Variants in SFSWAP observed in about 807,000 individuals in gnomAD.
The protein encoded by SFSWAP is splicing factor SWAP.
Under a neutral mutation model 100.7 loss-of-function variants are expected in SFSWAP, and 17 were observed. The observed-to-expected ratio is 0.17, with a 90% CI of 0.12 to 0.25. The LOEUF (loss-of-function observed/expected upper bound fraction) is 0.25. Ranked by LOEUF, SFSWAP falls within the 10% of genes least tolerant of loss-of-function variation. The probability of loss-of-function intolerance (pLI) is 1.00; values close to 1 mark genes in which losing one functional copy is unlikely to be tolerated. For synonymous variants in SFSWAP, 504 were observed against 510.1 expected (o/e 0.99, Z 0.16); for missense variants, 1,005 against 1,262.6 (o/e 0.80, Z 3.09).
intron 13 of SFSWAP, among the ~76,000 whole-genome samples, chr12:131,775,954 T>A (rs78847703): frequency 2.0e-5 from 3 of 149,932 alleles, no homozygotes; most frequent in African/African-American, 4.9e-5. Context: ...AAAAAAAAAT[T>A]AGCTGAGCAT....
intron 7 of SFSWAP, among the ~76,000 whole-genome samples, chr12:131,747,103 CAAA>C (rs398021689): frequency 5.2e-5 from 5 of 96,886 alleles, no homozygotes; most frequent in Admixed American, 1.2e-4. Flanking sequence ...GACTCTGTCT[CAAA>C]AAAAAAAAAA....
chr12:131,799,013 C>G (rs1885875648), intron 16 of SFSWAP, 24 bp from the exon 17 acceptor site: 3 of 1,569,064 alleles, frequency 1.9e-6, no homozygotes, highest in Non-Finnish European at 2.6e-6. Context: ...GTTGTAAGCT[C>G]TGCTCTCTCT....
intron 11 of SFSWAP, among the ~76,000 whole-genome samples, chr12:131,759,776 TG>T (rs1407260209): frequency 1.3e-5 from 2 of 148,864 alleles, no homozygotes; most frequent in East Asian, 3.9e-4. Flanking sequence ...TACTCCAGCC[TG>T]GGTGACAGAG....
In SFSWAP at chr12:131,750,521, C is replaced by T. The variant is rs1881526757; in HGVS notation, c.1082-2602C>T. Among the ~76,000 whole-genome samples, 3 of 152,184 alleles carry T rather than the reference C, an allele frequency of 2.0e-5. No individual in the cohort carries two copies. In the South Asian group the frequency reaches 6.2e-4, roughly 32 times the overall value. ...CGCGTGTCTCGGCTTCACAGCTCTC[C>T]TCTGTGAGAATCTCCTGGGTCTGGG... On this transcript the variant is annotated intron_variant, in intron 7 of 17. Coordinates refer to ENST00000261674, the MANE Select transcript of SFSWAP (RefSeq NM_004592.4).
At chr12:131,716,117 A>G (rs1877887948) in intron 3 of SFSWAP, among the ~76,000 whole-genome samples, 1 of 152,202 alleles carries the variant, frequency 6.6e-6, no homozygotes, top group Non-Finnish European at 1.5e-5. Context: ...GCACTCTCCA[A>G]GGGCTGCGAT....
rs1214449044 is a variant in SFSWAP, at chr12:131,714,809, A to G, written c.389-13A>G. The G allele has an allele frequency of 6.2e-7, 1 of 1,608,128 alleles. No individual in the cohort carries two copies. Reference sequence around the variant, plus strand: ...TTCTATTTTTGTTGATAAAATTCTCATTTTTATTCAAGAGGAAGAATACAA... The same window carrying G: ...TTCTATTTTTGTTGATAAAATTCTCGTTTTTATTCAAGAGGAAGAATACAA... On this transcript the variant is annotated splice_polypyrimidine_tract_variant and intron_variant, in intron 2 of 17. Coordinates refer to ENST00000261674, the MANE Select transcript of SFSWAP (RefSeq NM_004592.4). This position sits in a 1 kb window ranked among gnomAD's most constrained non-coding sequence, Gnocchi z 6.0.
At chr12:131,781,981 A>C (rs1172815348) in intron 14 of SFSWAP, among the ~76,000 whole-genome samples, 1 of 152,206 alleles carries the variant, frequency 6.6e-6, no homozygotes, top group Admixed American at 6.5e-5. Flanking sequence ...CACAGGGCCA[A>C]GGGCATAGCT....
chr12:131,792,119 CTGTG>C lies in SFSWAP; in HGVS notation c.2535-5052_2535-5049del, dbSNP rs527696680. Among the ~76,000 whole-genome samples the C allele has an allele frequency of 5.4e-5, 8 of 148,060 alleles. No individual in the cohort carries two copies. The South Asian group carries it at 8.5e-4, about 16-fold the overall frequency. ...GCCCATGTGTGTTCACGGATCAGTACTGTGTGTGTGCACGTGTGTGTTCACGGAT... is the reference window on the plus strand; with the variant it reads ...GCCCATGTGTGTTCACGGATCAGTACTGTGTGCACGTGTGTGTTCACGGAT... On this transcript the variant is annotated intron_variant, in intron 15 of 17. Coordinates refer to ENST00000261674, the MANE Select transcript of SFSWAP (RefSeq NM_004592.4).
At chr12:131,798,234 G>A (rs1425312707) in intron 16 of SFSWAP, among the ~76,000 whole-genome samples, 2 of 152,136 alleles carry the variant, frequency 1.3e-5, no homozygotes, top group Admixed American at 1.3e-4. Flanking sequence ...AGCCCAGGAG[G>A]TGGAGGCTGC....
chr12:131,713,620 G>A (rs999741343), intron 1 of SFSWAP: 15 of 152,480 alleles, frequency 9.8e-5, no homozygotes, highest in African/African-American at 3.1e-4. Flanking sequence ...AGAAAGAAGC[G>A]AGGAAATTTC....
At chr12:131,797,140 C>G (rs762654222) in intron 15 of SFSWAP, 38 bp from the exon 16 acceptor site, 1 of 1,581,720 alleles carries the variant, frequency 6.3e-7, no homozygotes, top group Non-Finnish European at 8.6e-7. Flanking sequence ...TGCCTTTAAA[C>G]CAAAGCTGCA....
At chr12:131,784,998 T>A in intron 14 of SFSWAP, 1 of 1,249,840 alleles carries the variant, frequency 8.0e-7, no homozygotes, top group Non-Finnish European at 1.1e-6. Flanking sequence ...TAAGCAGAGC[T>A]TTTTTCAGAG....
At chr12:131,728,477 A>G (rs375791954) in intron 7 of SFSWAP, 49 bp downstream of exon 7, 21 of 1,590,352 alleles carry the variant, frequency 1.3e-5, no homozygotes, top group African/African-American at 1.2e-4. Flanking sequence ...TGCCTGTGAC[A>G]GAGCCAGCTA....
chr12:131,789,654 A>C (rs1239469827), intron 15 of SFSWAP, among the ~76,000 whole-genome samples: 74 of 86,104 alleles, frequency 8.6e-4, no homozygotes, highest in Admixed American at 1.5e-3. Flanking sequence ...CATCCCATCC[A>C]CTCCCCTCCC....
At chr12:131,737,826 G>A (rs1260913196) in intron 7 of SFSWAP, among the ~76,000 whole-genome samples, 1 of 151,950 alleles carries the variant, frequency 6.6e-6, no homozygotes, top group East Asian at 1.9e-4. Context: ...TATAAAATAT[G>A]TGTATAAAAT....
chr12:131,754,289 G>A (rs895872317), intron 8 of SFSWAP, 79 bp from the exon 9 acceptor site: 255 of 1,165,224 alleles, frequency 2.2e-4, no homozygotes, highest in Middle Eastern at 6.2e-4. Context: ...CATCTGAGGC[G>A]GTGAGGACCC....
rs1015714096 is a variant in SFSWAP at position 131,730,833 on chromosome 12, A to G, written c.1081+2405A>G. On this transcript the variant is annotated intron_variant, in intron 7 of 17. Transcript: ENST00000261674. The surrounding 1 kb of genome is among the most constrained non-coding windows in gnomAD (Gnocchi z 4.0). ...TAGGGGGTGCCCTCTCCTCCCCTCA[A>G]TACGGTGCCGTTGTTTTGAAACTCA... Among the ~76,000 whole-genome samples, 8 of 152,106 alleles carry G rather than the reference A, an allele frequency of 5.3e-5. No individual in the cohort carries two copies. The highest frequency in any genetic ancestry group is 8.8e-5 in the Non-Finnish European group (6 of 68,002).
rs1396866539 is a variant in SFSWAP, at chr12:131,755,435, A to G, written c.1504A>G (p.Lys502Glu). ...WHQYNAYYEFKKQFFLQKEGG... is the reference protein window; with the variant it reads ...WHQYNAYYEFEKQFFLQKEGG... The stretch of plus-strand genomic sequence containing the variant: ...CCAGTATAATGCTTATTATGAGTTT[A>G]AGAAGCAGTTCTTCCTCCAGAAAGA... Residue 502 changes from lysine to glutamate, a missense_variant, in exon 10 of 18, where the codon AAG becomes GAG. Coordinates refer to ENST00000261674, the MANE Select transcript of SFSWAP (RefSeq NM_004592.4). 1 of 1,614,026 alleles carries G rather than the reference A, an allele frequency of 6.2e-7. No individual in the cohort carries two copies. Among genetic ancestry groups the G allele is most frequent in the South Asian group, 1.1e-5 (1 of 91,082 alleles).
chr12:131,785,425 G>A (rs893583027), intron 14 of SFSWAP: 31 of 480,908 alleles, frequency 6.4e-5, no homozygotes, highest in African/African-American at 4.5e-4. Flanking sequence ...ATGATTCAAC[G>A]TAGAACTTTT....
Sources: allele counts gnomAD v4.1 joint callset (sites outside exome capture counted in the v4.1 genomes callset), GRCh38; gene constraint gnomAD v4.1.1; non-coding constraint Gnocchi (gnomAD v3.1); transcripts MANE v1.5; gene names NCBI Gene and HGNC (gene_info 2026-07-23, HGNC 2026-07-21).